ZNF385B: variants seen among roughly 807,000 people sequenced by gnomAD.
ZNF385B encodes zinc finger protein 385B, also known as zinc finger protein 533.
In ZNF385B, 23 loss-of-function variants were observed where a neutral mutation model predicts 39.2. The observed-to-expected ratio is 0.59, with a 90% CI of 0.42 to 0.83. The LOEUF (loss-of-function observed/expected upper bound fraction) is 0.83, where lower values mean the gene tolerates loss of function less well. ZNF385B is among the 40% of genes least tolerant of loss of function. ZNF385B has a pLI of 0.00. For synonymous variants in ZNF385B, 205 were observed against 222.6 expected, an observed-to-expected ratio of 0.92 and a Z score of 0.70; for missense variants, 552 against 598.9, an observed-to-expected ratio of 0.92 and a Z score of 0.82.
At chr2:179,669,895 T>C (rs1695682716) in intron 3 of ZNF385B, among the ~76,000 whole-genome samples, 1 of 151,968 alleles carries the variant, frequency 6.6e-6, no homozygotes, top group Non-Finnish European at 1.5e-5. Flanking sequence ...CAACTTAAGG[T>C]GAAATGTTTT....
chr2:179,838,793 A>C (rs1243170753), intron 1 of ZNF385B, among the ~76,000 whole-genome samples: 3 of 151,400 alleles, frequency 2.0e-5, no homozygotes, highest in African/African-American at 7.4e-5. Flanking sequence ...AGCAATTTGT[A>C]ATTTTTTCAT....
chr2:179,703,868 A>C lies in ZNF385B; in HGVS notation c.298+65635T>G, dbSNP rs577637643. ...GATAATGCCTCATGATGGAGGTATT[A>C]ATGGGCACTTAAGCAGGGCTCCTGA... On this transcript the variant is annotated intron_variant, in intron 3 of 9. Coordinates refer to ENST00000410066, the MANE Select transcript of ZNF385B (RefSeq NM_152520.6). 1.8e-4 allele frequency among the ~76,000 whole-genome samples: 28 copies of C among 152,330 alleles called. No homozygotes were observed. The South Asian group carries it at 5.6e-3, about 30-fold the overall frequency.
At chr2:179,657,198 A>G (rs892820446) in intron 3 of ZNF385B, among the ~76,000 whole-genome samples, 1 of 152,176 alleles carries the variant, frequency 6.6e-6, no homozygotes, top group Admixed American at 6.5e-5. Context: ...AAGTATTTGA[A>G]GAAAAGATGC....
At chr2:179,817,725 G>A (rs1019133574) in intron 1 of ZNF385B, among the ~76,000 whole-genome samples, 5 of 151,766 alleles carry the variant, frequency 3.3e-5, no homozygotes, top group African/African-American at 1.2e-4. Context: ...ATGTTCACAT[G>A]ACTGGCTGTG....
intron 5 of ZNF385B, among the ~76,000 whole-genome samples, chr2:179,487,348 A>T (rs915432760): frequency 5.3e-5 from 8 of 152,228 alleles, no homozygotes; most frequent in Non-Finnish European, 8.8e-5. Context: ...ATAAAGACAG[A>T]ATGGCAAGTG....
chr2:179,762,986 C>T (rs907255404), intron 3 of ZNF385B, among the ~76,000 whole-genome samples: 1 of 152,188 alleles, frequency 6.6e-6, no homozygotes, highest in Admixed American at 6.5e-5. Flanking sequence ...CTCACCACAA[C>T]CTGTGCCTCC....
chr2:179,620,942 A>G (rs1016936352), intron 3 of ZNF385B, among the ~76,000 whole-genome samples: 1 of 152,160 alleles, frequency 6.6e-6, no homozygotes, highest in Non-Finnish European at 1.5e-5. Context: ...AAGTTGTTTG[A>G]GGACTAGATA....
At chr2:179,522,031 T>C (rs539130875) in intron 4 of ZNF385B, among the ~76,000 whole-genome samples, 3 of 152,330 alleles carry the variant, frequency 2.0e-5, no homozygotes, top group African/African-American at 7.2e-5. Context: ...TTGGGGGACA[T>C]GATTTAGATG....
At chr2:179,626,230 T>C (rs1314530600) in intron 3 of ZNF385B, among the ~76,000 whole-genome samples, 2 of 152,120 alleles carry the variant, frequency 1.3e-5, no homozygotes, top group Non-Finnish European at 2.9e-5. Context: ...ACATACTTCT[T>C]AGGAGCCACT....
chr2:179,562,493 T>C (rs1230696652), intron 3 of ZNF385B: 9 of 985,286 alleles, frequency 9.1e-6, no homozygotes, highest in Non-Finnish European at 1.1e-5. Context: ...CATCTCAACC[T>C]GGTGCTCCCG....
At chr2:179,817,663 C>CTGTG (rs1491329208) in intron 1 of ZNF385B, among the ~76,000 whole-genome samples, 9 of 121,080 alleles carry the variant, frequency 7.4e-5, no homozygotes, top group African/African-American at 3.0e-4. Context: ...GTGTGTAACC[C>CTGTG]TCTGTGTGTG....
At chr2:179,772,782 GAGA>G (rs1399540571) in intron 1 of ZNF385B, among the ~76,000 whole-genome samples, 1 of 152,192 alleles carries the variant, frequency 6.6e-6, no homozygotes, top group African/African-American at 2.4e-5. Context: ...TTGAGTGGGA[GAGA>G]AGGACCTTCG....
chr2:179,673,482 G>T (rs1255154455), intron 3 of ZNF385B, among the ~76,000 whole-genome samples: 1 of 152,074 alleles, frequency 6.6e-6, no homozygotes. Flanking sequence ...TTAAATAACT[G>T]GTATTAATGT....
At chr2:179,838,928 A>AGGGG (rs35164869) in intron 1 of ZNF385B, among the ~76,000 whole-genome samples, 1 of 131,066 alleles carries the variant, frequency 7.6e-6, no homozygotes, top group African/African-American at 2.8e-5. Flanking sequence ...CCAAAAAAAA[A>AGGGG]GGGGGGGGGG....
chr2:179,624,331 T>C (rs1226137687), intron 3 of ZNF385B, among the ~76,000 whole-genome samples: 3 of 152,162 alleles, frequency 2.0e-5, no homozygotes, highest in Non-Finnish European at 4.4e-5. Flanking sequence ...TTATCTTTAC[T>C]AGGATGTTCT....
At chr2:179,837,227 A>T (rs989537021) in intron 1 of ZNF385B, among the ~76,000 whole-genome samples, 3 of 152,250 alleles carry the variant, frequency 2.0e-5, no homozygotes, top group African/African-American at 7.2e-5. Context: ...CAAGCTGCCA[A>T]TATTTAAAGT....
intron 3 of ZNF385B, among the ~76,000 whole-genome samples, chr2:179,588,208 C>A (rs1164939041): frequency 6.6e-6 from 1 of 152,118 alleles, no homozygotes; most frequent in African/African-American, 2.4e-5. Flanking sequence ...CCTGCCTCAG[C>A]CTCCCGAGTA....
chr2:179,689,665 G>A (rs1482109891), intron 3 of ZNF385B, among the ~76,000 whole-genome samples: 2 of 152,104 alleles, frequency 1.3e-5, no homozygotes, highest in African/African-American at 4.8e-5. Flanking sequence ...CCTGCACTGT[G>A]CCCAGGAGAC....
intron 1 of ZNF385B, among the ~76,000 whole-genome samples, chr2:179,772,897 T>C (rs1432700825): frequency 6.6e-6 from 1 of 151,990 alleles, no homozygotes; most frequent in African/African-American, 2.4e-5. Context: ...AACTCTATGC[T>C]TTTTTTTGTA....
Sources: gnomAD v4.1 joint callset for allele counts (sites outside exome capture counted in the v4.1 genomes callset) on GRCh38, gnomAD v4.1.1 for gene constraint, MANE v1.5 for transcripts, NCBI Gene and HGNC (gene_info 2026-07-23, HGNC 2026-07-21) for gene names.